TM9SF2: variants seen among roughly 807,000 people sequenced by gnomAD.
TM9SF2 encodes the protein 76 kDa membrane protein.
A neutral mutation model predicts 84.9 loss-of-function variants in TM9SF2; 13 were observed. The observed-to-expected ratio is 0.15, with a 90% CI of 0.10 to 0.24. TM9SF2 has a LOEUF of 0.24. Ranked by LOEUF, TM9SF2 falls within the 10% of genes least tolerant of loss-of-function variation. The pLI is 1.00. For synonymous variants in TM9SF2, 273 were observed against 285.8 expected, an observed-to-expected ratio of 0.96 and a Z score of 0.45; for missense variants, 562 against 818.5, an observed-to-expected ratio of 0.69 and a Z score of 3.82.
intron 1 of TM9SF2, among the ~76,000 whole-genome samples, chr13:99,508,542 G>T (rs1017224909): frequency 2.0e-5 from 3 of 151,450 alleles, no homozygotes; most frequent in Non-Finnish European, 4.4e-5. Flanking sequence ...TTGCTGTAAA[G>T]AAATACCTGA....
At chr13:99,559,247 T>A in intron 15 of TM9SF2, 116 bp from the exon 16 acceptor site, 1 of 853,518 alleles carries the variant, frequency 1.2e-6, no homozygotes, top group Non-Finnish European at 1.7e-6. Context: ...CTGGAACTGA[T>A]AGCAGAAATT....
intron 15 of TM9SF2, 48 bp from the exon 16 acceptor site, chr13:99,559,315 A>G: frequency 1.3e-6 from 2 of 1,482,368 alleles, no homozygotes; most frequent in Non-Finnish European, 1.8e-6. Context: ...GCTACATCTT[A>G]TCTATTAATT....
chr13:99,560,897 G>A (rs902884784), intron 16 of TM9SF2, among the ~76,000 whole-genome samples: 3 of 152,090 alleles, frequency 2.0e-5, no homozygotes, highest in African/African-American at 7.2e-5. Flanking sequence ...TAGCCAGGAT[G>A]GTCTCGAACC....
At chr13:99,534,453 T>C (rs1208821265) in intron 4 of TM9SF2, among the ~76,000 whole-genome samples, 1 of 152,244 alleles carries the variant, frequency 6.6e-6, no homozygotes, top group Non-Finnish European at 1.5e-5. Context: ...GAGCTCTGTT[T>C]TCACTCTATT....
At chr13:99,522,396 AT>A (rs1295258308) in intron 3 of TM9SF2, among the ~76,000 whole-genome samples, 6 of 152,190 alleles carry the variant, frequency 3.9e-5, no homozygotes, top group African/African-American at 1.4e-4. Flanking sequence ...AACACAGTAG[AT>A]TCAAAGGCCT....
At chr13:99,517,437 A>G (rs2046139501) in intron 1 of TM9SF2, among the ~76,000 whole-genome samples, 177 bp from the exon 2 acceptor site, 2 of 152,194 alleles carry the variant, frequency 1.3e-5, no homozygotes, top group Admixed American at 6.5e-5. Context: ...ACTTTGGTAT[A>G]TTTTAAATGT....
intron 14 of TM9SF2, among the ~76,000 whole-genome samples, chr13:99,555,204 A>G (rs563685115): frequency 6.6e-6 from 1 of 152,320 alleles, no homozygotes; most frequent in South Asian, 2.1e-4. Flanking sequence ...GTGATAAGAA[A>G]CGGTTACCTA....
intron 7 of TM9SF2, among the ~76,000 whole-genome samples, 160 bp downstream of exon 7, chr13:99,539,717 CT>C (rs945024243): frequency 1.3e-5 from 2 of 152,086 alleles, no homozygotes; most frequent in Non-Finnish European, 2.9e-5. Flanking sequence ...CATAATCACT[CT>C]TGTAACTGAG....
In TM9SF2 at chr13:99,547,097, C is replaced by A; in HGVS notation, c.1263C>A (p.Phe421Leu). Reference protein sequence around the residue: ...GTPAGYVAARFYKSFGGEKWK... With the variant: ...GTPAGYVAARLYKSFGGEKWK... ...CTGCAGGCTATGTTGCTGCCAGATTCTATAAGTGTAAGTCAAAGCCACTGT... is the reference window on the plus strand; with the variant it reads ...CTGCAGGCTATGTTGCTGCCAGATTATATAAGTGTAAGTCAAAGCCACTGT... The change falls in exon 11 of 17, where the codon TTC becomes TTA. Residue 421 changes from phenylalanine (F) to leucine (L), a missense_variant. Phe to Leu is a conservative substitution (Grantham distance 22). Coordinates refer to ENST00000376387, the MANE Select transcript of TM9SF2 (RefSeq NM_004800.3). 3.7e-6 allele frequency: 6 copies of A among 1,614,092 alleles called. No individual in the cohort carries two copies. The highest frequency in any genetic ancestry group is 5.1e-6 in the Non-Finnish European group (6 of 1,179,998).
At chr13:99,501,801 C>T in intron 1 of TM9SF2, 24 bp downstream of exon 1, 2 of 1,594,734 alleles carry the variant, frequency 1.3e-6, no homozygotes, top group Non-Finnish European at 1.7e-6. Context: ...GACGAGCCCT[C>T]TGATGCACTG....
intron 4 of TM9SF2, 43 bp from the exon 5 acceptor site, chr13:99,536,565 T>G (rs748559611): frequency 1.3e-6 from 2 of 1,595,448 alleles, no homozygotes. Context: ...TTTGTCATGT[T>G]TGGTGGGTTC....
intron 2 of TM9SF2, among the ~76,000 whole-genome samples, chr13:99,518,390 C>T (rs1181787721): frequency 2.0e-5 from 3 of 152,222 alleles, no homozygotes; most frequent in East Asian, 1.9e-4. Flanking sequence ...GGATTACAGG[C>T]GTGAGCCACT....
At position 99,527,675 on chromosome 13, in the gene TM9SF2, G is replaced by A. The variant is rs1378824928; in HGVS notation, c.334-1792G>A. ...GGAGAAGTCTTGCCAGAAGTGTGCA[G>A]CCTTATATGATTTCCCTCAGATATG... is the stretch of plus-strand genomic sequence containing the variant. On this transcript the variant is annotated intron_variant, in intron 3 of 16. Transcript: ENST00000376387. 2.0e-5 allele frequency among the ~76,000 whole-genome samples: 3 copies of A among 152,186 alleles called. No individual in the cohort carries two copies. The East Asian group carries it at 5.8e-4, about 29-fold the overall frequency.
intron 11 of TM9SF2, among the ~76,000 whole-genome samples, chr13:99,548,747 A>G (rs548090326): frequency 1.3e-5 from 2 of 152,342 alleles, no homozygotes; most frequent in South Asian, 2.1e-4. Context: ...GAGTTGGCCT[A>G]CTGTGGAAGT....
At chr13:99,554,194 A>G (rs774467564) in intron 13 of TM9SF2, 110 bp from the exon 14 acceptor site, 69 of 1,310,794 alleles carry the variant, frequency 5.3e-5, no homozygotes, top group Admixed American at 4.5e-5. Flanking sequence ...CTTTATTGCC[A>G]TTAGTGACAA....
At chr13:99,529,683 A>C (rs2046199732) in intron 4 of TM9SF2, 89 bp downstream of exon 4, 1 of 1,288,646 alleles carries the variant, frequency 7.8e-7, no homozygotes, top group Admixed American at 3.0e-5. Flanking sequence ...TGATTGTGTA[A>C]AATATAGCAA....
chr13:99,510,197 G>A (rs1214016278), intron 1 of TM9SF2, among the ~76,000 whole-genome samples: 1 of 152,086 alleles, frequency 6.6e-6, no homozygotes, highest in Non-Finnish European at 1.5e-5. Context: ...TGACTTTACT[G>A]TCCATATCAC....
In TM9SF2 at chr13:99,562,696, A is replaced by G. The variant is rs1202633550; in HGVS notation, c.1930A>G (p.Ile644Val). ...TTTTATTTTTTCTCTTATAGGAACA[A>G]TTGGCTTCTTTGCATGCTTTTGGTT... is the stretch of plus-strand genomic sequence containing the variant. ...VLIFFLFTGT[I>V]GFFACFWFVT... The change falls in exon 17 of 17, where the codon ATT becomes GTT. Residue 644 changes from isoleucine (I) to valine (V), a missense_variant. Physicochemically the swap from Ile to Val is conservative, Grantham distance 29 (BLOSUM62 3). Coordinates refer to ENST00000376387, the MANE Select transcript of TM9SF2 (RefSeq NM_004800.3). The G allele has an allele frequency of 2.5e-6, 4 of 1,613,158 alleles. No homozygotes were observed. The highest frequency in any genetic ancestry group is 1.1e-5 in the South Asian group (1 of 91,028).
At chr13:99,502,288 G>A (rs1435918343) in intron 1 of TM9SF2, among the ~76,000 whole-genome samples, 1 of 152,198 alleles carries the variant, frequency 6.6e-6, no homozygotes, top group Non-Finnish European at 1.5e-5. Flanking sequence ...TAGTTGGTTA[G>A]GAGAGCTTGT....
Sources: gnomAD v4.1 joint callset for allele counts (sites outside exome capture counted in the v4.1 genomes callset) on GRCh38, gnomAD v4.1.1 for gene constraint, MANE v1.5 for transcripts, NCBI Gene and HGNC (gene_info 2026-07-23, HGNC 2026-07-21) for gene names.